SAMD5: variants seen among roughly 807,000 people sequenced by gnomAD.
The protein encoded by SAMD5 is sterile alpha motif domain containing 5.
In SAMD5, 13 loss-of-function variants were observed where a neutral mutation model predicts 11.3. That is an observed-to-expected ratio of 1.15 (90% CI 0.75 to 1.83). SAMD5 has a LOEUF of 1.83. Among genes scored for constraint, SAMD5 ranks in the 40% most tolerant of loss-of-function variants. The pLI, the probability that SAMD5 is intolerant of heterozygous loss-of-function variation, is 0.00. For synonymous variants in SAMD5, 129 were observed against 111.3 expected (o/e 1.16, Z -1.00); for missense variants, 255 against 239.1 (o/e 1.07, Z -0.44).
At chr6:147,590,627 G>A (rs1789439020) in intron 1 of SAMD5, among the ~76,000 whole-genome samples, 1 of 152,118 alleles carries the variant, frequency 6.6e-6, no homozygotes, top group Non-Finnish European at 1.5e-5. Context: ...TGCCTAGGCT[G>A]GTCTCGAACT....
chr6:147,591,647 C>T (rs930851758), intron 1 of SAMD5, among the ~76,000 whole-genome samples: 1 of 152,058 alleles, frequency 6.6e-6, no homozygotes, highest in African/African-American at 2.4e-5. Flanking sequence ...AGTCATACAT[C>T]TGGATAAAAG....
chr6:147,782,617 T>A, the SAMD5 span, among the ~76,000 whole-genome samples: 1 of 152,204 alleles, frequency 6.6e-6, no homozygotes, highest in Non-Finnish European at 1.5e-5. Flanking sequence ...TAGGGTAGTA[T>A]CAGCACTGGC....
the SAMD5 span, among the ~76,000 whole-genome samples, chr6:147,791,220 G>A: frequency 1.3e-5 from 2 of 152,006 alleles, no homozygotes; most frequent in African/African-American, 4.8e-5. Flanking sequence ...GCTTGAACCC[G>A]GGAGGCAGAG....
intron 1 of SAMD5, among the ~76,000 whole-genome samples, chr6:147,618,342 T>TG (rs1789904187): frequency 6.6e-6 from 1 of 151,984 alleles, no homozygotes; most frequent in Non-Finnish European, 1.5e-5. Flanking sequence ...AGCTCAGTGT[T>TG]GGGGGGAGTC....
At chr6:147,868,522 T>C in the SAMD5 span, among the ~76,000 whole-genome samples, 1 of 152,146 alleles carries the variant, frequency 6.6e-6, no homozygotes, top group Admixed American at 6.6e-5. Flanking sequence ...AATTGGCAAC[T>C]CATGAAATGT....
At chr6:147,894,342 T>A in the SAMD5 span, among the ~76,000 whole-genome samples, 1 of 152,148 alleles carries the variant, frequency 6.6e-6, no homozygotes, top group East Asian at 1.9e-4. Flanking sequence ...CAGGATGGTT[T>A]CCATCTCCTG....
At chr6:147,749,616 T>A in the SAMD5 span, among the ~76,000 whole-genome samples, 1 of 152,168 alleles carries the variant, frequency 6.6e-6, no homozygotes, top group Non-Finnish European at 1.5e-5. Flanking sequence ...TACCAAACCA[T>A]TTGATGGAAT....
rs563160092 is a variant in SAMD5, at chr6:147,712,978, A to AT, written c.163-24332dup. 3.6e-4 allele frequency among the ~76,000 whole-genome samples: 55 copies of AT among 152,232 alleles called. No individual in the cohort carries two copies. In the East Asian group the frequency reaches 8.5e-3, roughly 24 times the overall value. ...ATTCAAACCATCGGGAATGCAAAGCATTTTTTTCTCAAAGTCAAGCAGTAA... is the reference window on the plus strand; with the variant it reads ...ATTCAAACCATCGGGAATGCAAAGCATTTTTTTTCTCAAAGTCAAGCAGTAA... On this transcript the variant is annotated intron_variant, in intron 1 of 1. Coordinates refer to the SAMD5 transcript ENST00000566741.
the SAMD5 span, among the ~76,000 whole-genome samples, chr6:147,933,421 T>A: frequency 6.6e-6 from 1 of 152,210 alleles, no homozygotes; most frequent in East Asian, 1.9e-4. Context: ...CATAGGGTAC[T>A]GCTAATCCCC....
At chr6:147,542,636 G>C (rs1053114357) in intron 1 of SAMD5, among the ~76,000 whole-genome samples, 1 of 152,156 alleles carries the variant, frequency 6.6e-6, no homozygotes, top group African/African-American at 2.4e-5. Flanking sequence ...AAGATCAGAT[G>C]AGCCAGTTGA....
At chr6:147,787,746 G>A in the SAMD5 span, among the ~76,000 whole-genome samples, 20 of 152,186 alleles carry the variant, frequency 1.3e-4, no homozygotes, top group Non-Finnish European at 2.8e-4. Context: ...TCCCTGCTTG[G>A]TCAAGCATGG....
Position 147,636,681 on chromosome 6 carries a change from C to G in SAMD5, c.163-100636C>G, listed in dbSNP as rs540641203. 2.0e-5 allele frequency among the ~76,000 whole-genome samples: 3 copies of G among 152,230 alleles called. No individual in the cohort carries two copies. In the East Asian group the frequency reaches 5.8e-4, roughly 29 times the overall value. On this transcript the variant is annotated intron_variant, in intron 1 of 1. Coordinates refer to the SAMD5 transcript ENST00000566741. ...CATTTGGGTTCTGGGGTCAGACAGA[C>G]CTTGATGAAGATCCAAGCCTCTCAA...
chr6:147,561,421 A>G (rs911397304), intron 1 of SAMD5, among the ~76,000 whole-genome samples: 5 of 152,020 alleles, frequency 3.3e-5, no homozygotes, highest in Non-Finnish European at 5.9e-5. Flanking sequence ...CTCCTAACCT[A>G]CCTTGTGATC....
intron 1 of SAMD5, among the ~76,000 whole-genome samples, chr6:147,563,594 G>A (rs1788989394): frequency 6.6e-6 from 1 of 152,174 alleles, no homozygotes; most frequent in Non-Finnish European, 1.5e-5. Flanking sequence ...ACACAGCAGA[G>A]CCATGACAGA....
At chr6:147,765,927 GC>G in the SAMD5 span, among the ~76,000 whole-genome samples, 13 of 152,066 alleles carry the variant, frequency 8.5e-5, no homozygotes, top group Non-Finnish European at 2.9e-5. Flanking sequence ...TTTTAAGAAA[GC>G]CTCAGATTGA....
intron 1 of SAMD5, among the ~76,000 whole-genome samples, chr6:147,722,816 T>A (rs1244156558): frequency 6.6e-6 from 1 of 152,198 alleles, no homozygotes; most frequent in African/African-American, 2.4e-5. Flanking sequence ...ATGAACACAC[T>A]TCTTGTTCTG....
At chr6:147,907,270 G>T in the SAMD5 span, among the ~76,000 whole-genome samples, 1 of 152,182 alleles carries the variant, frequency 6.6e-6, no homozygotes, top group African/African-American at 2.4e-5. Flanking sequence ...ACTTTGGGAG[G>T]CATAAGGCTA....
chr6:147,887,760 A>G, the SAMD5 span, among the ~76,000 whole-genome samples: 1 of 152,232 alleles, frequency 6.6e-6, no homozygotes, highest in Non-Finnish European at 1.5e-5. Context: ...ACTGTTTTTC[A>G]AAACTGTTGT....
chr6:147,542,115 A>C (rs1788615085), intron 1 of SAMD5, among the ~76,000 whole-genome samples: 1 of 152,206 alleles, frequency 6.6e-6, no homozygotes, highest in African/African-American at 2.4e-5. Context: ...ATAGGGCTAC[A>C]GTTAAGGGAC....
Sources: allele counts gnomAD v4.1 joint callset (sites outside exome capture counted in the v4.1 genomes callset), GRCh38; gene constraint gnomAD v4.1.1; transcripts MANE v1.5; gene names NCBI Gene and HGNC (gene_info 2026-07-23, HGNC 2026-07-21).